OR4K1: variants seen among roughly 807,000 people sequenced by gnomAD.
OR4K1 encodes the protein olfactory receptor 4K1.
In OR4K1, 16 loss-of-function variants were observed where a neutral mutation model predicts 14.4. That is an observed-to-expected ratio of 1.11 (90% CI 0.75 to 1.68). The LOEUF (loss-of-function observed/expected upper bound fraction) is 1.68. OR4K1 is among the 40% of genes most tolerant of loss of function. OR4K1 has a pLI of 0.00. For synonymous variants in OR4K1, 181 were observed against 133.1 expected, an observed-to-expected ratio of 1.36 and a Z score of -2.48; for missense variants, 548 against 376.9, an observed-to-expected ratio of 1.45 and a Z score of -3.76.
intron 1 of OR4K1, among the ~76,000 whole-genome samples, chr14:19,932,987 T>C (rs1251946106): frequency 6.7e-6 from 1 of 149,346 alleles, no homozygotes; most frequent in Non-Finnish European, 1.5e-5. Context: ...TATATATTTA[T>C]AGCACTTATA....
At chr14:19,926,409 A>C (rs1882064685), upstream of OR4K1, among the ~76,000 whole-genome samples, 1 of 152,378 alleles carries the variant, frequency 6.6e-6, no homozygotes, top group East Asian at 1.9e-4. Flanking sequence ...CACACATTGA[A>C]GGCATGCACT....
At chr14:19,935,547 A>T in intron 1 of OR4K1, 101 bp from the exon 2 acceptor site, 3 of 926,534 alleles carry the variant, frequency 3.2e-6, no homozygotes, top group Non-Finnish European at 4.9e-6. Flanking sequence ...AATTAAATTG[A>T]CTATTTCTTT....
the OR4K1 span, chr14:19,921,019 G>A: frequency 4.6e-5 from 74 of 1,614,158 alleles, no homozygotes; most frequent in Middle Eastern, 1.6e-4. Context: ...ATCATGAGCC[G>A]AAGGACATGC....
chr14:19,921,404 T>C, the OR4K1 span: 1 of 1,614,048 alleles, frequency 6.2e-7, no homozygotes, highest in Non-Finnish European at 8.5e-7. Flanking sequence ...CCATCTCTCC[T>C]TTGGATAAAT....
chr14:19,934,836 A>C (rs1263625617), intron 1 of OR4K1, among the ~76,000 whole-genome samples: 1 of 152,128 alleles, frequency 6.6e-6, no homozygotes, highest in Non-Finnish European at 1.5e-5. Context: ...ACGCCCGGCT[A>C]ATTTTTTTGT....
rs1882287873 is a variant in OR4K1, at chr14:19,935,644, T to G, written c.-19-4T>G. On this transcript the variant is annotated splice_region_variant and splice_polypyrimidine_tract_variant and intron_variant, in intron 1 of 1. Coordinates refer to ENST00000641172, the MANE Select transcript of OR4K1 (RefSeq NM_001004063.3). Reference sequence around the variant, plus strand: ...GTGACATTTTTCTGATTTCTTTTTTTTAGGTAACTGAATATTGGATACATG... The same window carrying G: ...GTGACATTTTTCTGATTTCTTTTTTGTAGGTAACTGAATATTGGATACATG... 6.5e-7 allele frequency: 1 copy of G among 1,544,074 alleles called. No individual in the cohort carries two copies. Among genetic ancestry groups the G allele is most frequent in the African/African-American group, 1.4e-5 (1 of 71,894 alleles).
chr14:19,931,681 C>T (rs12589360), intron 1 of OR4K1, among the ~76,000 whole-genome samples: 9,641 of 151,348 alleles, frequency 0.064, 543 homozygotes, highest in East Asian at 0.47. Flanking sequence ...GATATTAATG[C>T]AACAGCAACC....
At chr14:19,924,219 A>G in the OR4K1 span, among the ~76,000 whole-genome samples, 1 of 152,064 alleles carries the variant, frequency 6.6e-6, no homozygotes. Context: ...TGACCAACAT[A>G]GAGAAAACCC....
intron 1 of OR4K1, among the ~76,000 whole-genome samples, chr14:19,933,554 C>G (rs1882233170): frequency 1.3e-5 from 2 of 152,188 alleles, no homozygotes; most frequent in African/African-American, 4.8e-5. Flanking sequence ...TCAGTTCATG[C>G]CTCGTTGATC....
chr14:19,934,810 A>G (rs969977558), intron 1 of OR4K1, among the ~76,000 whole-genome samples: 4 of 152,170 alleles, frequency 2.6e-5, no homozygotes, highest in Non-Finnish European at 4.4e-5. Context: ...AGGGGGGAAT[A>G]CAGGTGCCCA....
chr14:19,922,477 C>T, the OR4K1 span, among the ~76,000 whole-genome samples: 1 of 152,220 alleles, frequency 6.6e-6, no homozygotes, highest in African/African-American at 2.4e-5. Context: ...CTCTCTCCAT[C>T]TAGGGGGCCT....
chr14:19,932,540 G>C (rs1038222997), intron 1 of OR4K1, among the ~76,000 whole-genome samples: 1 of 152,196 alleles, frequency 6.6e-6, no homozygotes, highest in African/African-American at 2.4e-5. Flanking sequence ...CATTCCATTA[G>C]AAATTTTAGG....
chr14:19,932,221 G>C (rs1340328750), intron 1 of OR4K1, among the ~76,000 whole-genome samples: 1 of 152,192 alleles, frequency 6.6e-6, no homozygotes, highest in African/African-American at 2.4e-5. Context: ...ATTTTTCAAA[G>C]ATAAGATGAT....
intron 1 of OR4K1, among the ~76,000 whole-genome samples, chr14:19,933,917 T>C (rs1882243713): frequency 6.6e-6 from 1 of 152,200 alleles, no homozygotes; most frequent in Non-Finnish European, 1.5e-5. Context: ...CAATTCTTCA[T>C]AACCAATGCA....
chr14:19,930,363 C>T (rs1415613373), upstream of OR4K1, among the ~76,000 whole-genome samples: 5 of 152,094 alleles, frequency 3.3e-5, no homozygotes, highest in African/African-American at 1.2e-4. Context: ...ATCTAGAAAA[C>T]TTATATAAAA....
At position 19,936,731 on chromosome 14, in the gene OR4K1, C is replaced by A; in HGVS notation, c.*129C>A. 1 of 712,932 alleles carries A rather than the reference C, an allele frequency of 1.4e-6. No homozygotes were observed. Among genetic ancestry groups the A allele is most frequent in the Middle Eastern group, 2.4e-4 (1 of 4,104 alleles). 44.2% of individuals were successfully genotyped at this position (712,932 alleles called of 1,614,324 possible). On this transcript the variant is annotated 3_prime_UTR_variant, in exon 2 of 2. Transcript: ENST00000641172. Reference sequence around the variant, plus strand: ...CAGAATTGGCTTTTTGTTTTAAGTGCAAGGGAATTGCATCAAGTCAGTCTC... The same window carrying A: ...CAGAATTGGCTTTTTGTTTTAAGTGAAAGGGAATTGCATCAAGTCAGTCTC...
At chr14:19,922,655 C>CTTTT in the OR4K1 span, among the ~76,000 whole-genome samples, 10 of 147,118 alleles carry the variant, frequency 6.8e-5, no homozygotes, top group East Asian at 6.0e-4. Flanking sequence ...TACATGTACT[C>CTTTT]TTTTTTTTTT....
At chr14:19,926,918 A>G (rs1264355867), upstream of OR4K1, among the ~76,000 whole-genome samples, 5 of 152,274 alleles carry the variant, frequency 3.3e-5, no homozygotes, top group Non-Finnish European at 1.5e-5. Context: ...AATAGATCTT[A>G]GTATGCTGTT....
chr14:19,920,608 T>C, the OR4K1 span: 154 of 1,598,442 alleles, frequency 9.6e-5, no homozygotes, highest in Non-Finnish European at 1.2e-4. Flanking sequence ...CTTGGAACCA[T>C]GGATAAGTCC....
Sources: gnomAD v4.1 joint callset for allele counts (sites outside exome capture counted in the v4.1 genomes callset) on GRCh38, gnomAD v4.1.1 for gene constraint, MANE v1.5 for transcripts, NCBI Gene and HGNC (gene_info 2026-07-23, HGNC 2026-07-21) for gene names.